The following RHEBL1 variants were observed in gnomAD, a reference collection of about 807,000 sequenced individuals.
RHEBL1 encodes the protein GTPase RhebL1.
Under a neutral mutation model 27.4 loss-of-function variants are expected in RHEBL1, and 22 were observed. The observed-to-expected ratio is 0.80, with a 90% confidence interval of 0.57 to 1.15. The LOEUF is 1.15. RHEBL1 is among the 50% of genes most tolerant of loss of function. The pLI is 0.00. For synonymous variants in RHEBL1, 85 were observed against 80.8 expected, an observed-to-expected ratio of 1.05 and a Z score of -0.28; for missense variants, 186 against 226.5, an observed-to-expected ratio of 0.82 and a Z score of 1.15.
At position 49,069,973 on chromosome 12, in the gene RHEBL1, G is replaced by A. The variant is rs1039417497; in HGVS notation, c.-188C>T. On this transcript the variant is annotated 5_prime_UTR_variant, in exon 1 of 8. It adds an upstream start codon to the 5' untranslated region. Coordinates refer to ENST00000301068, the MANE Select transcript of RHEBL1 (RefSeq NM_144593.3). ...TGCCCACGTGATCACAACACAGCACGTCTAACGCCAGGGAGCCGGGCGCCC... is the reference window on the plus strand; with the variant it reads ...TGCCCACGTGATCACAACACAGCACATCTAACGCCAGGGAGCCGGGCGCCC... The A allele has an allele frequency of 1.5e-5, 9 of 603,220 alleles. No individual in the cohort carries two copies. Among genetic ancestry groups the A allele is most frequent in the African/African-American group, 7.4e-5 (4 of 53,788 alleles). 37.4% of individuals were successfully genotyped at this position (603,220 alleles called of 1,614,324 possible).
intron 3 of RHEBL1, 69 bp from the exon 4 acceptor site, chr12:49,066,770 C>T (rs1386225473): frequency 6.9e-7 from 1 of 1,447,080 alleles, no homozygotes; most frequent in Non-Finnish European, 9.7e-7. Context: ...GGTGGGACAA[C>T]ATCCAGGTGA....
chr12:49,066,119 CAAAG>C (rs1391257565), intron 6 of RHEBL1, 108 bp downstream of exon 6: 2 of 800,462 alleles, frequency 2.5e-6, no homozygotes, highest in African/African-American at 3.4e-5. Context: ...AGGTTAGAGA[CAAAG>C]AGAGGTGAAA....
chr12:49,069,692 CA>C, intron 1 of RHEBL1, 41 bp downstream of exon 1: 1 of 1,600,156 alleles, frequency 6.2e-7, no homozygotes. Flanking sequence ...CTTCTGGCTA[CA>C]AAGCTGCTGC....
intron 7 of RHEBL1, 24 bp from the exon 8 acceptor site, chr12:49,065,216 C>T: frequency 6.2e-7 from 1 of 1,600,516 alleles, no homozygotes; most frequent in Non-Finnish European, 8.6e-7. Flanking sequence ...GGATTCAGGG[C>T]AAAAGTCAGT....
At chr12:49,065,523 CA>C in intron 6 of RHEBL1, 92 bp from the exon 7 acceptor site, 1 of 1,061,158 alleles carries the variant, frequency 9.4e-7, no homozygotes, top group Non-Finnish European at 1.5e-6. Flanking sequence ...TGGCCAGGCA[CA>C]GTGGCTCATG....
intron 1 of RHEBL1, among the ~76,000 whole-genome samples, chr12:49,069,404 G>T (rs1939050618): frequency 6.6e-6 from 1 of 151,884 alleles, no homozygotes; most frequent in African/African-American, 2.4e-5. Context: ...CCCCGCCCCA[G>T]GACACCTGCG....
rs543665246 is a variant in RHEBL1, at chr12:49,067,984, G to A, written c.125-949C>T. ...TCTTCTCTTCTAGCTATTTTGAAAT[G>A]TAAAATAGCTTATTGTAAGCTATAG... is the stretch of plus-strand genomic sequence containing the variant. On this transcript the variant is annotated intron_variant, in intron 2 of 7. Transcript: ENST00000301068. Among the ~76,000 whole-genome samples the A allele has an allele frequency of 3.3e-4, 50 of 152,104 alleles. 1 individual carries two copies. In the South Asian group the frequency reaches 0.01, roughly 32 times the overall value.
intron 2 of RHEBL1, among the ~76,000 whole-genome samples, chr12:49,067,635 T>A (rs552637967): frequency 6.6e-6 from 1 of 152,036 alleles, no homozygotes; most frequent in East Asian, 1.9e-4. Flanking sequence ...AAAAAATTAG[T>A]TGGGCATGGT....
At chr12:49,067,945 A>G (rs1450321970) in intron 2 of RHEBL1, among the ~76,000 whole-genome samples, 2 of 152,108 alleles carry the variant, frequency 1.3e-5, no homozygotes, top group Non-Finnish European at 2.9e-5. Context: ...TCTTTATGCT[A>G]GAACCATTTG....
At chr12:49,066,778 T>TCACCTG in intron 3 of RHEBL1, 77 bp from the exon 4 acceptor site, 1 of 1,368,344 alleles carries the variant, frequency 7.3e-7, no homozygotes, top group Non-Finnish European at 1.0e-6. Flanking sequence ...AACATCCAGG[T>TCACCTG]GACCCTCCCT....
At chr12:49,068,971 G>T in intron 2 of RHEBL1, 64 bp downstream of exon 2, 2 of 1,503,458 alleles carry the variant, frequency 1.3e-6, no homozygotes, top group Non-Finnish European at 1.8e-6. Context: ...TTATGGAGTT[G>T]GGTGGGGTAT....
rs1939005472 is a variant in RHEBL1, at chr12:49,066,846, C to T, written c.192+122G>A. The T allele has an allele frequency of 9.2e-6, 10 of 1,088,172 alleles. No homozygotes were observed. The East Asian group carries it at 1.9e-4, about 21-fold the overall frequency. 67.4% of individuals were successfully genotyped at this position (1,088,172 alleles called of 1,614,324 possible). On this transcript the variant is annotated intron_variant, in intron 3 of 7. Transcript: ENST00000301068. ...TATTTATGGAACAGCTCCAATGAGC[C>T]CTGCATACTGTTAGCAGGTAAAATG...
In RHEBL1 at chr12:49,069,969, G is replaced by C. The variant is rs1385921349; in HGVS notation, c.-184C>G. 1 of 610,350 alleles carries C rather than the reference G, an allele frequency of 1.6e-6. No individual in the cohort carries two copies. Among genetic ancestry groups the C allele is most frequent in the Non-Finnish European group, 2.9e-6 (1 of 342,830 alleles). 37.8% of individuals were successfully genotyped at this position (610,350 alleles called of 1,614,324 possible). A position where few individuals can be genotyped will look rare whatever the true frequency, so the allele number is the denominator to read the frequency against. Reference sequence around the variant, plus strand: ...GAGCTGCCCACGTGATCACAACACAGCACGTCTAACGCCAGGGAGCCGGGC... The same window carrying C: ...GAGCTGCCCACGTGATCACAACACACCACGTCTAACGCCAGGGAGCCGGGC... On this transcript the variant is annotated 5_prime_UTR_variant, in exon 1 of 8. Coordinates refer to ENST00000301068, the MANE Select transcript of RHEBL1 (RefSeq NM_144593.3).
rs1236901144 is a variant in RHEBL1 at position 49,066,961 on chromosome 12, C to T, written c.192+7G>A. On this transcript the variant is annotated splice_region_variant and intron_variant, in intron 3 of 7. Transcript: ENST00000301068. ...GCCACATTTGGATACCATACCCCAA[C>T]TGGTACCTGCCCTGCTGTGTCCACC... 1.9e-6 allele frequency: 3 copies of T among 1,611,402 alleles called. No individual in the cohort carries two copies. Among genetic ancestry groups the T allele is most frequent in the Admixed American group, 3.3e-5 (2 of 60,026 alleles).
rs180752385 is a variant in RHEBL1, at chr12:49,065,642, T to A, written c.381-211A>T. Among the ~76,000 whole-genome samples, 65 of 150,764 alleles carry A rather than the reference T, an allele frequency of 4.3e-4. No homozygotes were observed. The East Asian group carries it at 0.011, about 26-fold the overall frequency. Reference sequence around the variant, plus strand: ...AACACCATCTCTATTAAAAAAAAAATGGGCCACACGCGGTTGCTTGTGCCT... The same window carrying A: ...AACACCATCTCTATTAAAAAAAAAAAGGGCCACACGCGGTTGCTTGTGCCT... On this transcript the variant is annotated intron_variant, in intron 6 of 7. Transcript: ENST00000301068.
intron 2 of RHEBL1, among the ~76,000 whole-genome samples, chr12:49,067,785 A>G (rs1939021383): frequency 6.6e-6 from 1 of 152,198 alleles, no homozygotes; most frequent in Non-Finnish European, 1.5e-5. Context: ...CTTGAAAAGA[A>G]AAGAAAAATA....
chr12:49,067,972 C>A (rs971622297), intron 2 of RHEBL1, among the ~76,000 whole-genome samples: 13 of 152,052 alleles, frequency 8.5e-5, no homozygotes, highest in African/African-American at 3.1e-4. Flanking sequence ...TCTCTTCTAG[C>A]TATTTTGAAA....
chr12:49,066,044 A>G (rs1938992411), intron 6 of RHEBL1, among the ~76,000 whole-genome samples, 187 bp downstream of exon 6: 2 of 152,228 alleles, frequency 1.3e-5, no homozygotes, highest in Admixed American at 6.5e-5. Context: ...GGGTGAATCT[A>G]GGACTGAGGC....
chr12:49,068,943 T>C, intron 2 of RHEBL1, 92 bp downstream of exon 2: 2 of 1,338,122 alleles, frequency 1.5e-6, no homozygotes, highest in East Asian at 4.7e-5. Flanking sequence ...ATCAGCCCCT[T>C]GGCACCAGAG....
Sources: allele counts gnomAD v4.1 joint callset (sites outside exome capture counted in the v4.1 genomes callset), GRCh38; gene constraint gnomAD v4.1.1; transcripts MANE v1.5; gene names NCBI Gene and HGNC (gene_info 2026-07-23, HGNC 2026-07-21).